MICALL1: variants seen among roughly 807,000 people sequenced by gnomAD.
MICALL1 encodes the protein MICAL like 1.
MICALL1 carries 61 observed loss-of-function variants against 83.7 expected under a neutral mutation model. The observed-to-expected ratio is 0.73, with a 90% CI of 0.59 to 0.90. The LOEUF (loss-of-function observed/expected upper bound fraction) is 0.90, where lower values mean the gene tolerates loss of function less well. Ranked by LOEUF, MICALL1 falls within the 40% of genes least tolerant of loss-of-function variation. The probability of loss-of-function intolerance (pLI) is 0.00; values close to 1 mark genes in which losing one functional copy is unlikely to be tolerated. For synonymous variants in MICALL1, 481 were observed against 473.6 expected (o/e 1.02, Z -0.20); for missense variants, 1,066 against 1,152.0 (o/e 0.93, Z 1.08).
intron 3 of MICALL1, among the ~76,000 whole-genome samples, chr22:37,915,191 G>A (rs978676248): frequency 6.6e-6 from 1 of 152,128 alleles, no homozygotes; most frequent in Non-Finnish European, 1.5e-5. Context: ...GTTTGAGGCT[G>A]CGGTGAGCTA....
Position 37,932,122 on chromosome 22 carries a change from C to A in MICALL1, c.2016+189C>A, listed in dbSNP as rs1435779258. On this transcript the variant is annotated intron_variant, in intron 10 of 15. Transcript: ENST00000215957. The surrounding 1 kb of genome is among the most constrained non-coding windows in gnomAD (Gnocchi z 4.4). ...CAGCCTGGAGGGATTTGGAGCAGAT[C>A]AGCCCTTCACCACCAAAAGCAGTGG... 2.0e-5 allele frequency among the ~76,000 whole-genome samples: 3 copies of A among 152,256 alleles called. No homozygotes were observed. The highest frequency in any genetic ancestry group is 4.4e-5 in the Non-Finnish European group (3 of 68,048).
In MICALL1 at chr22:37,924,454, C is replaced by T. The variant is rs140415501; in HGVS notation, c.1025-206C>T. On this transcript the variant is annotated intron_variant, in intron 6 of 15. Transcript: ENST00000215957. This position sits in a 1 kb window ranked among gnomAD's most constrained non-coding sequence, Gnocchi z 5.2. ...GGTTTCTTCTCAAATGAAATGCAAA[C>T]GGGGTCTCAGGTGGCCTGGCCTTGA... Among the ~76,000 whole-genome samples the T allele has an allele frequency of 7.9e-5, 12 of 152,236 alleles. No individual in the cohort carries two copies. In the East Asian group the frequency reaches 1.2e-3, roughly 15 times the overall value.
rs756150944 is a variant in MICALL1, at chr22:37,911,946, T to G, written c.147-6T>G. On this transcript the variant is annotated splice_polypyrimidine_tract_variant and splice_region_variant and intron_variant, in intron 1 of 15. Transcript: ENST00000215957. ...TGACCAACCCTCCTCCCTTTGCCTCTTGCAGAGATTTTGATTCGCTTTCCA... is the reference window on the plus strand; with the variant it reads ...TGACCAACCCTCCTCCCTTTGCCTCGTGCAGAGATTTTGATTCGCTTTCCA... The G allele has an allele frequency of 6.2e-7, 1 of 1,614,080 alleles. No individual in the cohort carries two copies. The highest frequency in any genetic ancestry group is 1.1e-5 in the South Asian group (1 of 91,084).
chr22:37,920,921 G>A (rs367823618), intron 5 of MICALL1, among the ~76,000 whole-genome samples: 7 of 150,736 alleles, frequency 4.6e-5, no homozygotes, highest in Non-Finnish European at 1.0e-4. Flanking sequence ...CTGAGACTCC[G>A]TCTCAAAAAA....
intron 5 of MICALL1, among the ~76,000 whole-genome samples, chr22:37,919,874 G>A (rs1384819322): frequency 5.3e-5 from 8 of 151,816 alleles, no homozygotes; most frequent in African/African-American, 1.4e-4. Context: ...CTGTAATCCC[G>A]GCTACTCGGG....
At chr22:37,921,188 G>A (rs1929009100) in intron 5 of MICALL1, among the ~76,000 whole-genome samples, 1 of 152,180 alleles carries the variant, frequency 6.6e-6, no homozygotes, top group Non-Finnish European at 1.5e-5. Context: ...GTAAGTAGAG[G>A]CACAGCTGGA....
chr22:37,940,347 C>T (rs535836297), intron 15 of MICALL1, among the ~76,000 whole-genome samples: 10 of 151,694 alleles, frequency 6.6e-5, no homozygotes, highest in Admixed American at 5.9e-4. Flanking sequence ...CGCCTGAACC[C>T]GGGAGGCGGA....
At chr22:37,937,035 G>C in intron 13 of MICALL1, 45 bp from the exon 14 acceptor site, 1 of 1,504,000 alleles carries the variant, frequency 6.6e-7, no homozygotes, top group Non-Finnish European at 9.0e-7. Context: ...GGGAGGAAGA[G>C]GGCTTTCCTA....
chr22:37,907,835 G>T (rs906049470), intron 1 of MICALL1, among the ~76,000 whole-genome samples: 1 of 152,212 alleles, frequency 6.6e-6, no homozygotes, highest in Admixed American at 6.5e-5. Flanking sequence ...GCCCCTGCCC[G>T]CTGTGGGGCA....
intron 13 of MICALL1, among the ~76,000 whole-genome samples, chr22:37,936,499 T>G (rs1426138078): frequency 6.6e-6 from 1 of 152,214 alleles, no homozygotes. Context: ...GTTCTTGCAG[T>G]AGGTGCTGTG....
At position 37,912,019 on chromosome 22, in the gene MICALL1, G is replaced by C. The variant is rs774841160; in HGVS notation, c.195+19G>C. On this transcript the variant is annotated intron_variant, in intron 2 of 15. Transcript: ENST00000215957. ...CCGTTTGGTAAGTTCCCGGACAGGT[G>C]GAAGCCCAAGAGGCTCTGTGTATGT... 7 of 1,612,490 alleles carry C rather than the reference G, an allele frequency of 4.3e-6. No individual in the cohort carries two copies. The highest frequency in any genetic ancestry group is 5.1e-6 in the Non-Finnish European group (6 of 1,179,428).
chr22:37,927,861 C>T (rs1411437442), intron 9 of MICALL1, 35 bp downstream of exon 9: 1 of 1,564,138 alleles, frequency 6.4e-7, no homozygotes, highest in Non-Finnish European at 8.7e-7. Flanking sequence ...AAAGTGACAT[C>T]CTCTCTAGTG....
At chr22:37,933,424 T>C (rs1929911999) in intron 13 of MICALL1, among the ~76,000 whole-genome samples, 1 of 152,142 alleles carries the variant, frequency 6.6e-6, no homozygotes, top group Non-Finnish European at 1.5e-5. Context: ...CCAGCCTGTT[T>C]TGTGCGTGGG....
Position 37,922,190 on chromosome 22 carries a change from C to T in MICALL1, c.788C>T (p.Ala263Val). ...PGGGPSSSAP[A>V]GAEADGPKAS... ...GGCGGCCCCAGCTCCAGTGCTCCTG[C>T]AGGGGCTGAGGCCGATGGACCCAAG... The change falls in exon 6 of 16, where the codon GCA becomes GTA. Residue 263 changes from alanine to valine, a missense_variant. Physicochemically the swap from Ala to Val is moderately conservative, Grantham distance 64 (BLOSUM62 0). Coordinates refer to ENST00000215957, the MANE Select transcript of MICALL1 (RefSeq NM_033386.4). 1.2e-6 allele frequency: 2 copies of T among 1,612,586 alleles called. No individual in the cohort carries two copies. The highest frequency in any genetic ancestry group is 1.7e-6 in the Non-Finnish European group (2 of 1,179,844).
intron 3 of MICALL1, among the ~76,000 whole-genome samples, chr22:37,916,966 C>T (rs369123246): frequency 1.3e-5 from 2 of 152,090 alleles, no homozygotes; most frequent in South Asian, 2.1e-4. Flanking sequence ...CAGGTTCGAG[C>T]GATTCTCCTG....
intron 13 of MICALL1, 119 bp downstream of exon 13, chr22:37,933,231 A>AGAG: frequency 7.6e-6 from 8 of 1,048,996 alleles, no homozygotes; most frequent in Non-Finnish European, 1.0e-5. Flanking sequence ...GGACAGGGCC[A>AGAG]GAGGAGGAGG....
intron 15 of MICALL1, among the ~76,000 whole-genome samples, chr22:37,939,163 G>A (rs1323952295): frequency 2.0e-5 from 3 of 152,136 alleles, no homozygotes; most frequent in Admixed American, 2.0e-4. Flanking sequence ...CCCAGCTCTG[G>A]CACTTATGAG....
chr22:37,911,149 G>A (rs2145877941), intron 1 of MICALL1, among the ~76,000 whole-genome samples: 1 of 152,338 alleles, frequency 6.6e-6, no homozygotes, highest in South Asian at 2.1e-4. Context: ...CCCCCAGACA[G>A]GCCCTGCCAC....
chr22:37,922,542 T>C (rs1929118323), intron 6 of MICALL1, 116 bp downstream of exon 6: 1 of 639,476 alleles, frequency 1.6e-6, no homozygotes, highest in Non-Finnish European at 2.5e-6. Flanking sequence ...TTGTGTGCTG[T>C]GCTGTGTTGG....
Sources: gnomAD v4.1 joint callset for allele counts (sites outside exome capture counted in the v4.1 genomes callset) on GRCh38, gnomAD v4.1.1 for gene constraint, Gnocchi (gnomAD v3.1) non-coding constraint, MANE v1.5 for transcripts, NCBI Gene and HGNC (gene_info 2026-07-23, HGNC 2026-07-21) for gene names.